MYO3B: variants seen among roughly 807,000 people sequenced by gnomAD.
MYO3B encodes myosin-IIIb.
MYO3B carries 156 observed loss-of-function variants against 174.6 expected under a neutral mutation model. That is an observed-to-expected ratio of 0.89 (90% CI 0.78 to 1.02). MYO3B has a LOEUF of 1.02. Ranked by LOEUF, MYO3B falls within the 50% of genes least tolerant of loss-of-function variation. The pLI is 0.00. For missense variants in MYO3B, 1,632 were observed against 1,639.4 expected (o/e 1.00, Z 0.08); for synonymous variants, 563 against 569.1 (o/e 0.99, Z 0.15).
chr2:170,305,915 A>G (rs1019781611), intron 7 of MYO3B, among the ~76,000 whole-genome samples: 5 of 152,168 alleles, frequency 3.3e-5, no homozygotes, highest in African/African-American at 1.2e-4. Flanking sequence ...GGTTAAAGCG[A>G]TAAACATTTT....
At chr2:170,465,927 G>A (rs368497366) in intron 24 of MYO3B, among the ~76,000 whole-genome samples, 4 of 152,080 alleles carry the variant, frequency 2.6e-5, no homozygotes, top group East Asian at 3.9e-4. Context: ...CTGATTTTCC[G>A]TGTCCTTGCT....
At position 170,206,642 on chromosome 2, in the gene MYO3B, T is replaced by C. The variant is rs1256065337; in HGVS notation, c.321+6358T>C. Among the ~76,000 whole-genome samples, 1 of 152,194 alleles carries C rather than the reference T, an allele frequency of 6.6e-6. No homozygotes were observed. Among genetic ancestry groups the C allele is most frequent in the African/African-American group, 2.4e-5 (1 of 41,450 alleles). ...GTGGAGTGGCATATTCCAGTATTTATATCCAATTTTCACTGTCCAGTTCAA... is the reference window on the plus strand; with the variant it reads ...GTGGAGTGGCATATTCCAGTATTTACATCCAATTTTCACTGTCCAGTTCAA... On this transcript the variant is annotated intron_variant, in intron 3 of 34. Coordinates refer to ENST00000408978, the MANE Select transcript of MYO3B (RefSeq NM_138995.5). The surrounding 1 kb of genome is among the most constrained non-coding windows in gnomAD (Gnocchi z 4.3).
intron 7 of MYO3B, among the ~76,000 whole-genome samples, chr2:170,320,336 CTG>C (rs776173485): frequency 6.6e-6 from 1 of 152,202 alleles, no homozygotes; most frequent in Non-Finnish European, 1.5e-5. Flanking sequence ...GTGTGAAACA[CTG>C]TGTCTGGCCA....
chr2:170,341,369 T>C (rs1344423725), intron 8 of MYO3B: 1 of 152,230 alleles, frequency 6.6e-6, no homozygotes, highest in African/African-American at 2.4e-5. Flanking sequence ...GTTTCACAGA[T>C]ATTCTTGGCT....
intron 28 of MYO3B, among the ~76,000 whole-genome samples, chr2:170,506,314 G>A (rs1687618203): frequency 6.6e-6 from 1 of 152,204 alleles, no homozygotes; most frequent in South Asian, 2.1e-4. Flanking sequence ...AACTCTTTCA[G>A]TGCAAGGTTT....
chr2:170,390,308 G>C (rs1004565207), intron 14 of MYO3B, among the ~76,000 whole-genome samples: 2 of 152,100 alleles, frequency 1.3e-5, no homozygotes, highest in African/African-American at 4.8e-5. Context: ...TGTGCCTATA[G>C]TCATGGCTAC....
chr2:170,247,008 CT>C (rs2093198304), intron 7 of MYO3B, among the ~76,000 whole-genome samples: 1 of 152,186 alleles, frequency 6.6e-6, no homozygotes, highest in African/African-American at 2.4e-5. Flanking sequence ...AGTTCTCAGT[CT>C]GCTTCTAGAT....
rs1282517206 is a variant in MYO3B at position 170,499,572 on chromosome 2, TAGA to T, written c.3127-72_3127-70del. On this transcript the variant is annotated intron_variant, in intron 26 of 34. Transcript: ENST00000408978. Reference sequence around the variant, plus strand: ...ATATCATTGTTTTAATATTTTCATTTAGAATATGCTGTAGTAGAGTGAATTTCT... The same window carrying T: ...ATATCATTGTTTTAATATTTTCATTTATATGCTGTAGTAGAGTGAATTTCT... 22 of 1,331,936 alleles carry T rather than the reference TAGA, an allele frequency of 1.7e-5. No individual in the cohort carries two copies. The African/African-American group carries it at 1.8e-4, about 11-fold the overall frequency. The allele number at this position is 1,331,936 out of a possible 1,614,324, so 82.5% of individuals were successfully genotyped here.
chr2:170,311,963 G>A (rs182177968), intron 7 of MYO3B, among the ~76,000 whole-genome samples: 6 of 152,218 alleles, frequency 3.9e-5, no homozygotes, highest in East Asian at 3.9e-4. Context: ...TCTGTACGTC[G>A]CTTCTTATGC....
Position 170,514,947 on chromosome 2 carries a change from C to T in MYO3B, c.3397C>T (p.Pro1133Ser), listed in dbSNP as rs763617177. ...AGDTSNQSSGPHSPVAAGTRG... is the reference protein window; with the variant it reads ...AGDTSNQSSGSHSPVAAGTRG... Reference sequence around the variant, plus strand: ...GGACACTTCAAACCAAAGCAGTGGGCCACATTCCCCCGTCGCAGCAGGTAC... The same window carrying T: ...GGACACTTCAAACCAAAGCAGTGGGTCACATTCCCCCGTCGCAGCAGGTAC... Residue 1133 changes from proline (P) to serine (S), a missense_variant, in exon 29 of 35, where the codon CCA (proline) becomes TCA (serine). By Grantham distance (74) the Pro-to-Ser change is moderately conservative. Transcript: ENST00000408978. The T allele has an allele frequency of 6.8e-6, 11 of 1,613,876 alleles. No homozygotes were observed. The South Asian group carries it at 1.1e-4, about 16-fold the overall frequency.
chr2:170,483,185 C>A (rs1164722876), intron 25 of MYO3B, among the ~76,000 whole-genome samples: 1 of 152,200 alleles, frequency 6.6e-6, no homozygotes. Context: ...GCTATCTTTT[C>A]TGATTTTCCA....
Position 170,652,978 on chromosome 2 carries a change from T to C in MYO3B, c.3888-5T>C, listed in dbSNP as rs544128773. On this transcript the variant is annotated splice_region_variant and splice_polypyrimidine_tract_variant and intron_variant, in intron 34 of 34. Transcript: ENST00000408978. Reference sequence around the variant, plus strand: ...TTGAAAATCCTGTTGTTTTCTTTGTTGCAGCCAAATCAAAGTACTTGATGG... The same window carrying C: ...TTGAAAATCCTGTTGTTTTCTTTGTCGCAGCCAAATCAAAGTACTTGATGG... The C allele has an allele frequency of 6.2e-7, 1 of 1,613,640 alleles. No homozygotes were observed. The highest frequency in any genetic ancestry group is 2.2e-5 in the East Asian group (1 of 44,888).
intron 30 of MYO3B, among the ~76,000 whole-genome samples, chr2:170,540,656 A>G (rs928782088): frequency 5.2e-5 from 7 of 135,218 alleles, no homozygotes; most frequent in African/African-American, 1.9e-4. Context: ...AGGCAAAAAC[A>G]AAAAACAACA....
intron 25 of MYO3B, among the ~76,000 whole-genome samples, chr2:170,489,245 C>T (rs1686275375): frequency 6.6e-6 from 1 of 152,168 alleles, no homozygotes; most frequent in African/African-American, 2.4e-5. Flanking sequence ...TTTAAGTTCC[C>T]CCTCAGGATC....
At chr2:170,565,481 G>A (rs551767313) in intron 32 of MYO3B, among the ~76,000 whole-genome samples, 2 of 152,188 alleles carry the variant, frequency 1.3e-5, no homozygotes, top group Non-Finnish European at 2.9e-5. Flanking sequence ...AGTGTTTGCC[G>A]AATGATGAAT....
At chr2:170,436,412 G>A in intron 22 of MYO3B, among the ~76,000 whole-genome samples, 1 of 152,196 alleles carries the variant, frequency 6.6e-6, no homozygotes, top group East Asian at 1.9e-4. Flanking sequence ...CCTTTGAAAT[G>A]TGTTAAAATG....
At chr2:170,191,766 C>T (rs2105320606) in intron 1 of MYO3B, among the ~76,000 whole-genome samples, 1 of 152,272 alleles carries the variant, frequency 6.6e-6, no homozygotes, top group Admixed American at 6.5e-5. Context: ...GTGTCTCTTT[C>T]AGTAATATGA....
chr2:170,537,864 C>T (rs1689825517), intron 30 of MYO3B, among the ~76,000 whole-genome samples: 1 of 152,158 alleles, frequency 6.6e-6, no homozygotes, highest in Admixed American at 6.5e-5. Flanking sequence ...AGGAGAAATA[C>T]TCCCAAATTT....
chr2:170,185,376 C>A (rs1216155928), intron 1 of MYO3B, among the ~76,000 whole-genome samples: 1 of 152,114 alleles, frequency 6.6e-6, no homozygotes, highest in African/African-American at 2.4e-5. Context: ...AACCAATTTT[C>A]CCAGCACCAT....
Sources: allele counts gnomAD v4.1 joint callset (sites outside exome capture counted in the v4.1 genomes callset), GRCh38; gene constraint gnomAD v4.1.1; non-coding constraint Gnocchi (gnomAD v3.1); transcripts MANE v1.5; gene names NCBI Gene and HGNC (gene_info 2026-07-23, HGNC 2026-07-21).